The following KANSL1 variants were observed in gnomAD, a reference collection of about 807,000 sequenced individuals.
KANSL1 encodes the protein MLL1/MLL complex subunit KANSL1.
A neutral mutation model predicts 103.6 loss-of-function variants in KANSL1; 22 were observed. That is an observed-to-expected ratio of 0.21 (90% CI 0.15 to 0.30). The LOEUF is 0.30. KANSL1 is among the 10% of genes least tolerant of loss of function. The probability of loss-of-function intolerance (pLI) is 1.00; values close to 1 mark genes in which losing one functional copy is unlikely to be tolerated. For missense variants in KANSL1, 1,337 were observed against 1,399.8 expected, an observed-to-expected ratio of 0.96 and a Z score of 0.72; for synonymous variants, 600 against 527.6, an observed-to-expected ratio of 1.14 and a Z score of -1.88.
At chr17:46,195,868 T>TC (rs1425885623), upstream of KANSL1, among the ~76,000 whole-genome samples, 1 of 151,730 alleles carries the variant, frequency 6.6e-6, no homozygotes, top group African/African-American at 2.4e-5. Flanking sequence ...TTCTTAAATT[T>TC]CCCCCCAAAA....
chr17:46,204,254 C>G (rs1384866361), intron 1 of KANSL1, among the ~76,000 whole-genome samples: 3 of 152,012 alleles, frequency 2.0e-5, no homozygotes, highest in Non-Finnish European at 4.4e-5. Flanking sequence ...GTCAGGAGTT[C>G]GAGACCAGCC....
chr17:46,060,161 T>C (rs1169651296), intron 6 of KANSL1, among the ~76,000 whole-genome samples: 2 of 152,248 alleles, frequency 1.3e-5, no homozygotes, highest in African/African-American at 2.4e-5. Context: ...TAAAACTCTA[T>C]TCACCATTTT....
At chr17:46,112,748 T>G (rs551623685) in intron 2 of KANSL1, among the ~76,000 whole-genome samples, 1 of 149,260 alleles carries the variant, frequency 6.7e-6, no homozygotes, top group South Asian at 2.1e-4. Context: ...TGAGATGGAG[T>G]GTCACTCTTG....
rs762427291 is a variant in KANSL1, at chr17:46,031,684, C to T, written c.3110G>A (p.Arg1037Gln). Residue 1037 changes from arginine (R) to glutamine (Q), a missense_variant, in exon 15 of 15, where the codon CGG becomes CAG. Coordinates refer to ENST00000432791, the MANE Select transcript of KANSL1 (RefSeq NM_015443.4). ...LDEQSVQPWE[R>Q]RTFPLAHSPQ... ...ACTGTGCGCCAGGGGGAAGGTCCGC[C>T]GCTCCCAGGGCTGGACAGACTGTAG... The T allele has an allele frequency of 1.1e-5, 18 of 1,608,800 alleles. No homozygotes were observed. The highest frequency in any genetic ancestry group is 4.5e-5 in the East Asian group (2 of 44,698).
At chr17:46,078,188 G>GCCTCCTTAAT (rs1483849083) in intron 4 of KANSL1, among the ~76,000 whole-genome samples, 1 of 152,134 alleles carries the variant, frequency 6.6e-6, no homozygotes, top group Non-Finnish European at 1.5e-5. Flanking sequence ...TTAATCCTAT[G>GCCTCCTTAAT]GTGAATGCCT....
chr17:46,182,258 A>T (rs1166346973), intron 1 of KANSL1, among the ~76,000 whole-genome samples: 1 of 152,246 alleles, frequency 6.6e-6, no homozygotes, highest in Non-Finnish European at 1.5e-5. Context: ...AAATTGACAC[A>T]ATCAAAATAA....
At chr17:46,037,847 T>C (rs922535155) in intron 10 of KANSL1, 1 of 152,228 alleles carries the variant, frequency 6.6e-6, no homozygotes, top group South Asian at 2.1e-4. Flanking sequence ...GAGGGCACAC[T>C]TGAGGAATTA....
At chr17:46,084,659 G>A (rs1298424133) in intron 3 of KANSL1, among the ~76,000 whole-genome samples, 2 of 142,104 alleles carry the variant, frequency 1.4e-5, no homozygotes, top group Non-Finnish European at 3.0e-5. Context: ...TCCAGTCTGG[G>A]CAACGAGAGC....
chr17:46,079,065 T>TC (rs2078892024), intron 4 of KANSL1, among the ~76,000 whole-genome samples: 1 of 152,196 alleles, frequency 6.6e-6, no homozygotes, highest in Admixed American at 6.5e-5. Context: ...TAGGCATTCC[T>TC]CCTTAGGTCT....
chr17:46,106,179 T>C (rs2042557625), intron 2 of KANSL1, among the ~76,000 whole-genome samples: 1 of 152,088 alleles, frequency 6.6e-6, no homozygotes, highest in Admixed American at 6.6e-5. Context: ...GAACACTGAG[T>C]TCCAAATCCT....
At chr17:46,038,143 G>C (rs1482654929) in intron 10 of KANSL1, 1 of 182,586 alleles carries the variant, frequency 5.5e-6, no homozygotes, top group Non-Finnish European at 1.1e-5. Flanking sequence ...ACGCCCATGG[G>C]AATCTCCCCT....
rs1287657399 is a variant in KANSL1 at position 46,172,016 on chromosome 17, A to C, written c.128T>G (p.Leu43Arg). The C allele has an allele frequency of 1.9e-6, 3 of 1,614,260 alleles. No individual in the cohort carries two copies. Among genetic ancestry groups the C allele is most frequent in the African/African-American group, 1.3e-5 (1 of 75,066 alleles). ...SAENNGNANI[L>R]IAANGTKRKA... ...TCTTTTGGTTCCGTTGGCAGCAATA[A>C]GGATGTTGGCGTTGCCGTTATTTTC... The change falls in exon 2 of 15, where the codon CTT (leucine) becomes CGT (arginine). Residue 43 changes from leucine (L) to arginine (R), a missense_variant. Leu to Arg is a moderately radical substitution (Grantham distance 102). Around this residue, in one of 2 missense-constraint regions of KANSL1, gnomAD observed 557 missense variants for 476.4 expected, o/e 1.17. Transcript: ENST00000432791.
At chr17:46,092,774 G>T (rs1249636761) in intron 3 of KANSL1, 3 of 139,772 alleles carry the variant, frequency 2.1e-5, no homozygotes, top group Non-Finnish European at 3.0e-5. Context: ...AGTTTCCTGA[G>T]AATTGATACA....
At chr17:46,122,418 A>G (rs1012540926) in intron 2 of KANSL1, among the ~76,000 whole-genome samples, 1 of 152,236 alleles carries the variant, frequency 6.6e-6, no homozygotes, top group Non-Finnish European at 1.5e-5. Context: ...TTCAGCCATA[A>G]ATACTTAAAC....
chr17:46,058,212 T>C (rs2077999983), intron 6 of KANSL1, among the ~76,000 whole-genome samples: 1 of 152,166 alleles, frequency 6.6e-6, no homozygotes, highest in Non-Finnish European at 1.5e-5. Flanking sequence ...TATTAAAAGG[T>C]GCATGTAAAG....
intron 7 of KANSL1, chr17:46,045,418 G>A (rs1460851713): frequency 8.3e-6 from 1 of 120,398 alleles, no homozygotes; most frequent in Non-Finnish European, 2.1e-5. Context: ...AAATACAGTA[G>A]TTAATAGAGC....
At chr17:46,043,620 G>A (rs982583581) in intron 7 of KANSL1, 6 of 152,186 alleles carry the variant, frequency 3.9e-5, no homozygotes, top group Non-Finnish European at 8.8e-5. Flanking sequence ...GACAGTTACT[G>A]TCAATTCATT....
chr17:46,138,678 C>T (rs1314939368), intron 2 of KANSL1, among the ~76,000 whole-genome samples: 3 of 152,236 alleles, frequency 2.0e-5, no homozygotes, highest in Non-Finnish European at 4.4e-5. Flanking sequence ...ATCAACAGCA[C>T]ATCTAGTTGT....
intron 2 of KANSL1, among the ~76,000 whole-genome samples, chr17:46,131,983 T>C (rs183626774): frequency 1.1e-4 from 17 of 152,232 alleles, no homozygotes; most frequent in African/African-American, 3.1e-4. Context: ...AAAAATTAAC[T>C]GGGCATGACG....
Sources: allele counts gnomAD v4.1 joint callset (sites outside exome capture counted in the v4.1 genomes callset), GRCh38; gene constraint gnomAD v4.1.1; regional missense constraint gnomAD v4.1.1; transcripts MANE v1.5; gene names NCBI Gene and HGNC (gene_info 2026-07-23, HGNC 2026-07-21).